Variants in GLP2R observed in about 807,000 individuals in gnomAD.
GLP2R encodes the protein glucagon-like peptide 2 receptor.
A neutral mutation model predicts 68.2 loss-of-function variants in GLP2R; 59 were observed. The ratio of observed to expected loss-of-function variants is 0.87; its 90% CI spans 0.70 to 1.07. The LOEUF is 1.07. GLP2R is among the 50% of genes least tolerant of loss of function. The pLI is 0.00. For missense variants in GLP2R, 548 were observed against 677.4 expected (o/e 0.81, Z 2.12); for synonymous variants, 270 against 265.4 (o/e 1.02, Z -0.17).
chr17:9,857,366 C>T, intron 5 of GLP2R, 57 bp from the exon 6 acceptor site: 1 of 1,535,682 alleles, frequency 6.5e-7, no homozygotes, highest in East Asian at 2.3e-5. Flanking sequence ...AGGCAGAGGC[C>T]TGTTGGTTGG....
intron 1 of GLP2R, among the ~76,000 whole-genome samples, chr17:9,831,531 G>A (rs1249763299): frequency 1.3e-5 from 2 of 152,166 alleles, no homozygotes; most frequent in Non-Finnish European, 2.9e-5. Flanking sequence ...GTGTGGCCAA[G>A]GGTCTCTAGG....
intron 3 of GLP2R, among the ~76,000 whole-genome samples, chr17:9,837,424 A>G (rs896126997): frequency 1.8e-4 from 27 of 152,262 alleles, no homozygotes; most frequent in African/African-American, 5.5e-4. Context: ...CAGTGGGGGT[A>G]AGAATGGCCA....
At chr17:9,877,485 A>G (rs1426644345) in intron 10 of GLP2R, among the ~76,000 whole-genome samples, 1 of 152,242 alleles carries the variant, frequency 6.6e-6, no homozygotes, top group African/African-American at 2.4e-5. Context: ...GGGAACAGGA[A>G]AAGGACATTA....
chr17:9,833,996 T>A, intron 2 of GLP2R, 102 bp downstream of exon 2: 1 of 787,524 alleles, frequency 1.3e-6, no homozygotes, highest in Non-Finnish European at 2.2e-6. Flanking sequence ...ATAGTTTCTG[T>A]GGGTGAGGAA....
chr17:9,880,538 A>G (rs2277690), intron 11 of GLP2R, 22 bp downstream of exon 11: 665,331 of 1,534,472 alleles, frequency 0.43, 147,199 homozygotes, highest in African/African-American at 0.61. Context: ...TCTGAACCAA[A>G]ATGCCTTGAC....
At chr17:9,887,400 C>T (rs112283254) in intron 11 of GLP2R, among the ~76,000 whole-genome samples, 19 of 152,108 alleles carry the variant, frequency 1.2e-4, no homozygotes, top group Admixed American at 2.0e-4. Context: ...TGGTGGCGTC[C>T]GCCTGTAATT....
chr17:9,840,168 G>T (rs2066772480), intron 3 of GLP2R, among the ~76,000 whole-genome samples: 2 of 152,074 alleles, frequency 1.3e-5, no homozygotes, highest in Non-Finnish European at 2.9e-5. Flanking sequence ...ATAGAGACAG[G>T]GTTTCACTAT....
At chr17:9,828,542 T>G (rs1013168750) in intron 1 of GLP2R, among the ~76,000 whole-genome samples, 1 of 152,226 alleles carries the variant, frequency 6.6e-6, no homozygotes, top group African/African-American at 2.4e-5. Context: ...TCATCTTACT[T>G]AATCCTCAAC....
intron 10 of GLP2R, among the ~76,000 whole-genome samples, chr17:9,874,115 T>C (rs2067123014): frequency 6.6e-6 from 1 of 152,162 alleles, no homozygotes; most frequent in Non-Finnish European, 1.5e-5. Flanking sequence ...ACAATGCCTA[T>C]TATCCTCTAT....
chr17:9,857,498 G>T lies in GLP2R; in HGVS notation c.687G>T (p.Leu229=). The change falls in exon 6 of 13, where the codon CTG becomes CTT. Residue 229 remains leucine (L), a synonymous_variant. Coordinates refer to ENST00000262441, the MANE Select transcript of GLP2R (RefSeq NM_004246.3). ...ASFILRTLAV[L]VKDVVFYNSY... is the part of the protein sequence containing the mutation. ...TCATCCTGAGAACCCTGGCTGTACT[G>T]GTGAAGGACGTCGTCTTCTACAACT... 6.2e-7 allele frequency: 1 copy of T among 1,614,090 alleles called. No individual in the cohort carries two copies. The highest frequency in any genetic ancestry group is 8.5e-7 in the Non-Finnish European group (1 of 1,179,978).
At chr17:9,858,737 C>A (rs541761210) in intron 6 of GLP2R, among the ~76,000 whole-genome samples, 5 of 152,118 alleles carry the variant, frequency 3.3e-5, no homozygotes, top group African/African-American at 1.2e-4. Context: ...TCTAACTGTT[C>A]GAATTTATTG....
chr17:9,838,775 C>T (rs1183477853), intron 3 of GLP2R, among the ~76,000 whole-genome samples: 1 of 152,146 alleles, frequency 6.6e-6, no homozygotes, highest in Non-Finnish European at 1.5e-5. Flanking sequence ...AATGTGGAGA[C>T]CGTGGAAGGG....
intron 4 of GLP2R, among the ~76,000 whole-genome samples, chr17:9,844,165 T>G (rs1032028667): frequency 6.6e-6 from 1 of 152,026 alleles, no homozygotes; most frequent in East Asian, 1.9e-4. Context: ...GCAGGTGAGG[T>G]AGGGCCTGAG....
chr17:9,875,899 T>C (rs151338490), intron 10 of GLP2R, among the ~76,000 whole-genome samples: 199 of 152,336 alleles, frequency 1.3e-3, no homozygotes, highest in Admixed American at 3.3e-3. Flanking sequence ...TTTTTTGAAA[T>C]GGAGTTTCAC....
chr17:9,853,693 C>A (rs1188034751), intron 4 of GLP2R, among the ~76,000 whole-genome samples: 2 of 152,116 alleles, frequency 1.3e-5, no homozygotes, highest in Non-Finnish European at 2.9e-5. Context: ...CAGAATAGTC[C>A]TATATCTATT....
Position 9,826,135 on chromosome 17 carries a change from G to A in GLP2R, c.72G>A (p.Leu24=). 6.2e-7 allele frequency: 1 copy of A among 1,612,684 alleles called. No individual in the cohort carries two copies. Among genetic ancestry groups the A allele is most frequent in the Non-Finnish European group, 8.5e-7 (1 of 1,179,358 alleles). The change falls in exon 1 of 13, where the codon CTG becomes CTA. Residue 24 remains leucine (L), a synonymous_variant. Transcript: ENST00000262441. ...GACTCCTGCCTGGCGTCCACGAGCT[G>A]CCCATGGGCATCCCTGCCCCCTGGG... is the stretch of plus-strand genomic sequence containing the variant. ...SAGLLPGVHE[L]PMGIPAPWGT...
At chr17:9,874,004 C>T (rs2067121657) in intron 10 of GLP2R, among the ~76,000 whole-genome samples, 1 of 152,006 alleles carries the variant, frequency 6.6e-6, no homozygotes, top group Non-Finnish European at 1.5e-5. Context: ...CTGAGCACAT[C>T]CCTCCTCATG....
chr17:9,889,812 C>A lies in GLP2R; in HGVS notation c.*107C>A. 1.5e-6 allele frequency: 1 copy of A among 686,824 alleles called. No homozygotes were observed. Among genetic ancestry groups the A allele is most frequent in the Non-Finnish European group, 2.4e-6 (1 of 408,424 alleles). The allele number at this position is 686,824 out of a possible 1,614,324, so 42.5% of individuals were successfully genotyped here. ...GCTGGGCACGGAATCATTCTCGTTC[C>A]ATTCACCATGCCACTTTGATATGAA... On this transcript the variant is annotated 3_prime_UTR_variant, in exon 13 of 13. Coordinates refer to ENST00000262441, the MANE Select transcript of GLP2R (RefSeq NM_004246.3).
chr17:9,831,642 G>C (rs934807472), intron 1 of GLP2R, among the ~76,000 whole-genome samples: 1 of 152,200 alleles, frequency 6.6e-6, no homozygotes, highest in Non-Finnish European at 1.5e-5. Flanking sequence ...TCATGAAGGA[G>C]CACGACTTGG....
Sources: gnomAD v4.1 joint callset for allele counts (sites outside exome capture counted in the v4.1 genomes callset) on GRCh38, gnomAD v4.1.1 for gene constraint, MANE v1.5 for transcripts, NCBI Gene and HGNC (gene_info 2026-07-23, HGNC 2026-07-21) for gene names.